KIAA1958: variants seen among roughly 807,000 people sequenced by gnomAD.
KIAA1958 encodes the protein KIAA1958.
In KIAA1958, 14 loss-of-function variants were observed where a neutral mutation model predicts 47.2. The observed-to-expected ratio is 0.30, with a 90% CI of 0.20 to 0.46. The LOEUF is 0.46. KIAA1958 is among the 20% of genes least tolerant of loss of function. The probability of loss-of-function intolerance (pLI) is 1.00; values close to 1 mark genes in which losing one functional copy is unlikely to be tolerated. For synonymous variants in KIAA1958, 354 were observed against 353.3 expected, an observed-to-expected ratio of 1.00 and a Z score of -0.02; for missense variants, 803 against 909.2, an observed-to-expected ratio of 0.88 and a Z score of 1.50.
chr9:112,611,396 C>T (rs1490377816), intron 2 of KIAA1958, among the ~76,000 whole-genome samples: 1 of 151,762 alleles, frequency 6.6e-6, no homozygotes, highest in Non-Finnish European at 1.5e-5. Context: ...GGGTACAATA[C>T]AAATATACAA....
chr9:112,584,806 C>T (rs539103978), intron 2 of KIAA1958, among the ~76,000 whole-genome samples: 9 of 152,246 alleles, frequency 5.9e-5, no homozygotes, highest in East Asian at 1.9e-4. Context: ...GAAGTTATGA[C>T]GGGTGAGAGG....
At chr9:112,532,472 C>G (rs1564161943) in intron 1 of KIAA1958, among the ~76,000 whole-genome samples, 1 of 152,138 alleles carries the variant, frequency 6.6e-6, no homozygotes, top group East Asian at 1.9e-4. Context: ...CTGCCTCTTT[C>G]CTTTCTATCA....
rs1481079803 is a variant in KIAA1958 at position 112,623,718 on chromosome 9, G to A, written c.1172-21932G>A. ...GTCATGGAGGCAAGTGTGTATATGTGTATAATTTATTTTTACCCCAATTAA... is the reference window on the plus strand; with the variant it reads ...GTCATGGAGGCAAGTGTGTATATGTATATAATTTATTTTTACCCCAATTAA... On this transcript the variant is annotated intron_variant, in intron 2 of 3. Coordinates refer to ENST00000337530, the MANE Select transcript of KIAA1958 (RefSeq NM_133465.4). 2.6e-5 allele frequency among the ~76,000 whole-genome samples: 4 copies of A among 152,144 alleles called. No homozygotes were observed. In the South Asian group the frequency reaches 6.2e-4, roughly 24 times the overall value.
Position 112,659,797 on chromosome 9 carries a change from C to T in KIAA1958, c.1879C>T (p.Gln627Ter). The T allele has an allele frequency of 6.2e-7, 1 of 1,614,188 alleles. No homozygotes were observed. The highest frequency in any genetic ancestry group is 8.5e-7 in the Non-Finnish European group (1 of 1,180,040). The stretch of plus-strand genomic sequence containing the variant: ...CCATGAGCATTCCCGGGGACACAAA[C>T]AGTGCCCTTACTGCCTCCTCTACAA... Reference protein sequence around the residue: ...IYHEHSRGHKQCPYCLLYKYM... With the variant: ...IYHEHSRGHK Residue 627 changes from glutamine to a stop codon, truncating the protein, a stop_gained, in exon 4 of 4, where the codon CAG (glutamine) becomes TAG (stop). Transcript: ENST00000337530. LOFTEE classifies it high-confidence loss of function.
intron 1 of KIAA1958, among the ~76,000 whole-genome samples, chr9:112,525,226 T>A (rs185754293): frequency 3.9e-5 from 6 of 152,344 alleles, no homozygotes; most frequent in Non-Finnish European, 2.9e-5. Flanking sequence ...GATGGTTGCA[T>A]CAATGAACGT....
chr9:112,568,767 G>A (rs1835474206), intron 1 of KIAA1958, among the ~76,000 whole-genome samples: 2 of 150,688 alleles, frequency 1.3e-5, no homozygotes, highest in Admixed American at 1.3e-4. Flanking sequence ...GCGCACCTGT[G>A]GTCCCAGCTG....
intron 2 of KIAA1958, among the ~76,000 whole-genome samples, chr9:112,612,608 A>G (rs1179605588): frequency 6.6e-6 from 1 of 152,220 alleles, no homozygotes; most frequent in Admixed American, 6.5e-5. Context: ...AAATCATAAT[A>G]TATATTACAA....
intron 2 of KIAA1958, among the ~76,000 whole-genome samples, chr9:112,584,904 G>T (rs1588028669): frequency 6.6e-6 from 1 of 152,178 alleles, no homozygotes; most frequent in South Asian, 2.1e-4. Context: ...GCCTGCATTG[G>T]TACAGGAGTA....
rs141383079 is a variant in KIAA1958 at position 112,608,161 on chromosome 9, A to G, written c.1171+32910A>G. ...AAACATTATTTTAAATTATTTCTAA[A>G]TATTTATGGTAATTATTTTAAACCA... On this transcript the variant is annotated intron_variant, in intron 2 of 3. Coordinates refer to ENST00000337530, the MANE Select transcript of KIAA1958 (RefSeq NM_133465.4). 2.4e-3 allele frequency among the ~76,000 whole-genome samples: 368 copies of G among 152,318 alleles called. 2 individuals carry two copies. Among genetic ancestry groups the G allele is most frequent in the African/African-American group, 8.3e-3 (344 of 41,562 alleles).
At chr9:112,609,083 A>G (rs1362352976) in intron 2 of KIAA1958, among the ~76,000 whole-genome samples, 1 of 152,200 alleles carries the variant, frequency 6.6e-6, no homozygotes, top group East Asian at 1.9e-4. Flanking sequence ...GCCAACAGAA[A>G]GAGGAGCTGA....
At chr9:112,542,556 G>A (rs1286814560) in intron 1 of KIAA1958, among the ~76,000 whole-genome samples, 2 of 152,228 alleles carry the variant, frequency 1.3e-5, no homozygotes, top group Non-Finnish European at 2.9e-5. Context: ...ATGAAGCAGA[G>A]TGTAAATCAT....
At chr9:112,508,541 C>G (rs1834272024) in intron 1 of KIAA1958, among the ~76,000 whole-genome samples, 1 of 152,192 alleles carries the variant, frequency 6.6e-6, no homozygotes, top group South Asian at 2.1e-4. Flanking sequence ...GATGATTATT[C>G]AATAGGGCTT....
intron 2 of KIAA1958, among the ~76,000 whole-genome samples, chr9:112,625,256 A>G (rs972673272): frequency 7.2e-5 from 11 of 152,116 alleles, no homozygotes; most frequent in South Asian, 4.2e-4. Flanking sequence ...GGCTCAAGCA[A>G]TCCTCCCAAC....
chr9:112,555,681 G>A (rs964462175), intron 1 of KIAA1958, among the ~76,000 whole-genome samples: 13 of 152,300 alleles, frequency 8.5e-5, no homozygotes, highest in African/African-American at 3.1e-4. Context: ...CTGTGCGCTC[G>A]AATAGCAGAA....
chr9:112,497,232 A>C (rs1400397954), intron 1 of KIAA1958, among the ~76,000 whole-genome samples: 1 of 152,162 alleles, frequency 6.6e-6, no homozygotes, highest in African/African-American at 2.4e-5. Context: ...TGAAGCCCCA[A>C]CCCTCCAGTA....
intron 2 of KIAA1958, among the ~76,000 whole-genome samples, chr9:112,620,144 T>C (rs1288665092): frequency 6.6e-6 from 1 of 152,242 alleles, no homozygotes; most frequent in Non-Finnish European, 1.5e-5. Context: ...TGGCAGTTTT[T>C]CCAAGGTCTT....
intron 1 of KIAA1958, among the ~76,000 whole-genome samples, chr9:112,544,516 A>G (rs1487259095): frequency 6.6e-6 from 1 of 151,118 alleles, no homozygotes; most frequent in Non-Finnish European, 1.5e-5. Context: ...GAATAAATAA[A>G]TAAATAAATA....
rs1170253703 is a variant in KIAA1958 at position 112,665,539 on chromosome 9, C to T, written c.*5470C>T. On this transcript the variant is annotated 3_prime_UTR_variant, in exon 4 of 4. Transcript: ENST00000337530. ...TGCTCAGTCCATGAGACAAAACTGCCTCCTGGAGGCCATGGAAGTCCATTA... is the reference window on the plus strand; with the variant it reads ...TGCTCAGTCCATGAGACAAAACTGCTTCCTGGAGGCCATGGAAGTCCATTA... 1 of 152,126 alleles carries T rather than the reference C, an allele frequency of 6.6e-6. No individual in the cohort carries two copies. The highest frequency in any genetic ancestry group is 1.5e-5 in the Non-Finnish European group (1 of 68,020). 9.4% of individuals were successfully genotyped at this position (152,126 alleles called of 1,614,324 possible).
intron 1 of KIAA1958, among the ~76,000 whole-genome samples, chr9:112,546,519 C>G (rs1009443215): frequency 6.6e-6 from 1 of 151,998 alleles, no homozygotes; most frequent in African/African-American, 2.4e-5. Context: ...CTCTGTTGCC[C>G]AGGCTGGAGT....
Sources: gnomAD v4.1 joint callset for allele counts (sites outside exome capture counted in the v4.1 genomes callset) on GRCh38, gnomAD v4.1.1 for gene constraint, MANE v1.5 for transcripts, NCBI Gene and HGNC (gene_info 2026-07-23, HGNC 2026-07-21) for gene names.